The following FTO variants were observed in gnomAD, a reference collection of about 807,000 sequenced individuals.
FTO encodes the protein alpha-ketoglutarate-dependent dioxygenase FTO.
FTO carries 47 observed loss-of-function variants against 63.9 expected under a neutral mutation model. The observed-to-expected ratio is 0.74, with a 90% CI of 0.58 to 0.94. The LOEUF (loss-of-function observed/expected upper bound fraction) is 0.94, where lower values mean the gene tolerates loss of function less well. FTO is among the 40% of genes least tolerant of loss of function. The pLI, the probability that FTO is intolerant of heterozygous loss-of-function variation, is 0.00. For missense variants in FTO, 562 were observed against 618.1 expected (o/e 0.91, Z 0.96); for synonymous variants, 207 against 224.4 (o/e 0.92, Z 0.69).
intron 8 of FTO, chr16:53,984,944 G>T: frequency 2.2e-6 from 1 of 456,636 alleles, no homozygotes; most frequent in South Asian, 1.5e-5. Context: ...TCAGGGCAGA[G>T]AGGAGTGTTG....
chr16:54,020,991 T>C (rs1488043772), intron 8 of FTO, among the ~76,000 whole-genome samples: 2 of 152,008 alleles, frequency 1.3e-5, no homozygotes, highest in Non-Finnish European at 2.9e-5. Flanking sequence ...AAAAAAAGAA[T>C]TTTCCTAGGT....
At chr16:54,079,700 G>A (rs1348153937) in intron 8 of FTO, among the ~76,000 whole-genome samples, 1 of 152,160 alleles carries the variant, frequency 6.6e-6, no homozygotes, top group Non-Finnish European at 1.5e-5. Context: ...AGGCCGCACA[G>A]AGAGAGCCTG....
intron 8 of FTO, among the ~76,000 whole-genome samples, chr16:54,050,641 G>A (rs1351837078): frequency 2.0e-5 from 3 of 152,032 alleles, no homozygotes; most frequent in East Asian, 3.9e-4. Context: ...AAGGGTTTAC[G>A]TTTCCTCCCT....
intron 8 of FTO, among the ~76,000 whole-genome samples, chr16:53,956,048 GT>G (rs1006986275): frequency 1.2e-4 from 18 of 152,260 alleles, no homozygotes; most frequent in African/African-American, 4.3e-4. Flanking sequence ...GATGGTTTGT[GT>G]GTATCTTTAA....
chr16:53,731,724 C>T (rs527648260), intron 1 of FTO, among the ~76,000 whole-genome samples: 407 of 150,934 alleles, frequency 2.7e-3, no homozygotes, highest in Non-Finnish European at 4.6e-3. Flanking sequence ...AGGCCTGCGC[C>T]ACCACGCCCA....
rs572469706 is a variant in FTO at position 53,906,141 on chromosome 16, C to T, written c.1239+17190C>T. ...ATCGGGGTTCAGTAGCCATAGCTCT[C>T]GATCTTGGCTGCATATTTGAAACAC... On this transcript the variant is annotated intron_variant, in intron 7 of 8. Coordinates refer to ENST00000471389, the MANE Select transcript of FTO (RefSeq NM_001080432.3). Among the ~76,000 whole-genome samples, 211 of 152,282 alleles carry T rather than the reference C, an allele frequency of 1.4e-3. 4 individuals are homozygous for T. Among genetic ancestry groups the T allele is most frequent in the Non-Finnish European group, 2.1e-4 (14 of 68,036 alleles).
At chr16:53,956,593 G>T (rs1229443426) in intron 8 of FTO, 1 of 151,530 alleles carries the variant, frequency 6.6e-6, no homozygotes, top group Non-Finnish European at 1.5e-5. Flanking sequence ...ATTTCCCACA[G>T]ACAAGCAGAA....
intron 8 of FTO, chr16:54,040,507 T>C (rs2085047093): frequency 1.3e-5 from 2 of 152,226 alleles, no homozygotes; most frequent in African/African-American, 4.8e-5. Context: ...GAGAAACCCG[T>C]GTTAAACAAA....
At chr16:53,862,984 G>A (rs1007444736) in intron 4 of FTO, among the ~76,000 whole-genome samples, 4 of 152,114 alleles carry the variant, frequency 2.6e-5, no homozygotes, top group Non-Finnish European at 5.9e-5. Flanking sequence ...CACTCATCCA[G>A]CTCAGTAATT....
chr16:54,092,739 G>T (rs1271765657), intron 8 of FTO, among the ~76,000 whole-genome samples: 1 of 152,176 alleles, frequency 6.6e-6, no homozygotes. Context: ...ACTGAAAAAG[G>T]ACGTTAACTT....
intron 8 of FTO, among the ~76,000 whole-genome samples, chr16:54,044,826 A>G (rs1432691433): frequency 1.1e-5 from 1 of 87,448 alleles, no homozygotes; most frequent in Non-Finnish European, 1.9e-5. Context: ...GCTCAACTAC[A>G]TGGAAACTGA....
At chr16:54,081,854 A>G (rs1406405345) in intron 8 of FTO, among the ~76,000 whole-genome samples, 2 of 152,208 alleles carry the variant, frequency 1.3e-5, no homozygotes, top group African/African-American at 2.4e-5. Context: ...ATCCAGATGC[A>G]TTAAACAATG....
At chr16:53,908,690 T>A (rs1029518640) in intron 7 of FTO, among the ~76,000 whole-genome samples, 1 of 152,226 alleles carries the variant, frequency 6.6e-6, no homozygotes, top group African/African-American at 2.4e-5. Flanking sequence ...GGAATTGTCA[T>A]TGAGATGCCA....
chr16:53,846,967 A>T (rs1356561854), intron 4 of FTO, among the ~76,000 whole-genome samples: 1 of 152,162 alleles, frequency 6.6e-6, no homozygotes, highest in East Asian at 1.9e-4. Flanking sequence ...AAAGAATATA[A>T]AAATCAGGTT....
At chr16:53,830,425 A>G (rs1170571301) in intron 3 of FTO, among the ~76,000 whole-genome samples, 5 of 152,214 alleles carry the variant, frequency 3.3e-5, no homozygotes, top group Admixed American at 3.3e-4. Flanking sequence ...CTTTGACTGG[A>G]ACACCTTCAG....
Position 54,087,926 on chromosome 16 carries a change from A to C in FTO, c.1365-23836A>C, listed in dbSNP as rs183681620. 3.9e-5 allele frequency among the ~76,000 whole-genome samples: 6 copies of C among 152,354 alleles called. No individual in the cohort carries two copies. The East Asian group carries it at 7.7e-4, about 20-fold the overall frequency. On this transcript the variant is annotated intron_variant, in intron 8 of 8. Coordinates refer to ENST00000471389, the MANE Select transcript of FTO (RefSeq NM_001080432.3). ...GTTCCCAGAATTTTATTAGAAAGGA[A>C]ATGAGAATTGAAGGCAGTTGTAATC...
At chr16:53,817,075 G>A (rs927407753) in intron 2 of FTO, among the ~76,000 whole-genome samples, 1 of 152,208 alleles carries the variant, frequency 6.6e-6, no homozygotes, top group African/African-American at 2.4e-5. Flanking sequence ...ATGAGATGCT[G>A]TCAAATAGGA....
At chr16:53,910,181 G>A (rs947451690) in intron 7 of FTO, among the ~76,000 whole-genome samples, 2 of 152,188 alleles carry the variant, frequency 1.3e-5, no homozygotes, top group Non-Finnish European at 2.9e-5. Context: ...CATATTTGCA[G>A]AAAAGTATGT....
intron 8 of FTO, among the ~76,000 whole-genome samples, chr16:54,022,742 A>T (rs2084629530): frequency 6.6e-6 from 1 of 152,264 alleles, no homozygotes; most frequent in Admixed American, 6.5e-5. Context: ...ATGATAAATT[A>T]TACACTTGGT....
Sources: allele counts gnomAD v4.1 joint callset (sites outside exome capture counted in the v4.1 genomes callset), GRCh38; gene constraint gnomAD v4.1.1; transcripts MANE v1.5; gene names NCBI Gene and HGNC (gene_info 2026-07-23, HGNC 2026-07-21).